AP1G1: variants seen among roughly 807,000 people sequenced by gnomAD.
AP1G1 encodes the protein adaptor related protein complex 1 subunit gamma 1.
AP1G1 carries 7 observed loss-of-function variants against 108.3 expected under a neutral mutation model. That is an observed-to-expected ratio of 0.06 (90% CI 0.04 to 0.12). The LOEUF is 0.12. Ranked by LOEUF, AP1G1 falls within the 10% of genes least tolerant of loss-of-function variation. The pLI is 1.00. For missense variants in AP1G1, 756 were observed against 1,010.7 expected (o/e 0.75, Z 3.42); for synonymous variants, 379 against 353.5 (o/e 1.07, Z -0.81).
chr16:71,751,987 A>G (rs536940395), intron 13 of AP1G1, among the ~76,000 whole-genome samples: 4 of 152,312 alleles, frequency 2.6e-5, no homozygotes, highest in African/African-American at 9.6e-5. Context: ...ACACATATAA[A>G]AATACTCAAC....
At chr16:71,735,218 A>G (rs1471785081) in intron 21 of AP1G1, among the ~76,000 whole-genome samples, 4 of 152,228 alleles carry the variant, frequency 2.6e-5, no homozygotes, top group Non-Finnish European at 5.9e-5. Context: ...AAGCCTGCAT[A>G]ATCTATAATG....
chr16:71,784,589 C>T (rs1007016240), intron 2 of AP1G1, among the ~76,000 whole-genome samples: 3 of 152,084 alleles, frequency 2.0e-5, no homozygotes, highest in Admixed American at 6.6e-5. Context: ...GACAGAGTCT[C>T]GCTTTGTCGC....
chr16:71,806,433 G>A (rs1207893695), intron 1 of AP1G1, among the ~76,000 whole-genome samples: 3 of 152,116 alleles, frequency 2.0e-5, no homozygotes, highest in South Asian at 2.1e-4. Context: ...TGGTAGAGAC[G>A]GAGTCTCATT....
intron 12 of AP1G1, among the ~76,000 whole-genome samples, chr16:71,754,284 G>T (rs2030658866): frequency 7.2e-6 from 1 of 139,202 alleles, no homozygotes; most frequent in South Asian, 2.3e-4. Flanking sequence ...GAAGATGGAA[G>T]GAAAGAAGGA....
At chr16:71,777,735 CTTCT>C in intron 2 of AP1G1, 1 of 446,706 alleles carries the variant, frequency 2.2e-6, no homozygotes. Context: ...TCCTCCACCA[CTTCT>C]TTCTTTCGCT....
At chr16:71,794,335 C>T (rs1297316168) in intron 1 of AP1G1, among the ~76,000 whole-genome samples, 1 of 152,108 alleles carries the variant, frequency 6.6e-6, no homozygotes, top group Non-Finnish European at 1.5e-5. Flanking sequence ...ATTTTATATT[C>T]ATTATGGCTT....
At chr16:71,799,786 C>A (rs1248821570) in intron 1 of AP1G1, among the ~76,000 whole-genome samples, 3 of 151,906 alleles carry the variant, frequency 2.0e-5, no homozygotes, top group African/African-American at 7.3e-5. Flanking sequence ...GCAGTCCCAG[C>A]TACTCGGGAG....
chr16:71,745,666 C>T (rs778342185), intron 17 of AP1G1, 52 bp from the exon 18 acceptor site: 2 of 1,499,264 alleles, frequency 1.3e-6, no homozygotes, highest in East Asian at 2.3e-5. Context: ...AGATTCCCTA[C>T]CCAAAATAAT....
intron 2 of AP1G1, among the ~76,000 whole-genome samples, chr16:71,788,256 C>T (rs1207386008): frequency 6.6e-6 from 1 of 152,158 alleles, no homozygotes; most frequent in Non-Finnish European, 1.5e-5. Context: ...TTCAGTTGGG[C>T]AGTCTGTTCC....
At chr16:71,738,176 G>A (rs769879725) in intron 21 of AP1G1, among the ~76,000 whole-genome samples, 2 of 151,672 alleles carry the variant, frequency 1.3e-5, no homozygotes, top group African/African-American at 4.8e-5. Flanking sequence ...TCAGCCTCCC[G>A]AGTAACTGGG....
chr16:71,748,206 TA>T, intron 16 of AP1G1, 44 bp downstream of exon 16: 1 of 1,577,380 alleles, frequency 6.3e-7, no homozygotes, highest in Non-Finnish European at 8.5e-7. Context: ...TTTTGTTTTT[TA>T]ATTACAAAAC....
intron 2 of AP1G1, among the ~76,000 whole-genome samples, chr16:71,778,053 T>C (rs1277196936): frequency 6.6e-6 from 1 of 152,116 alleles, no homozygotes; most frequent in African/African-American, 2.4e-5. Context: ...TACCTAAAAT[T>C]TGCTCTCTTC....
chr16:71,807,684 G>T (rs748803809), intron 1 of AP1G1: 53 of 624,964 alleles, frequency 8.5e-5, no homozygotes, highest in Non-Finnish European at 1.2e-4. Context: ...TTTAGAATCA[G>T]TCAGCAAAGA....
chr16:71,755,815 T>C, intron 12 of AP1G1: 1 of 526,180 alleles, frequency 1.9e-6, no homozygotes, highest in Non-Finnish European at 3.3e-6. Flanking sequence ...CCAACAAATT[T>C]TTGTATTTTT....
At chr16:71,742,034 A>G (rs962267610) in intron 19 of AP1G1, among the ~76,000 whole-genome samples, 5 of 152,220 alleles carry the variant, frequency 3.3e-5, no homozygotes, top group African/African-American at 9.6e-5. Flanking sequence ...ATAAATTAAG[A>G]AATCTAGAAT....
chr16:71,783,267 A>C (rs11866795), intron 2 of AP1G1, among the ~76,000 whole-genome samples: 70,852 of 151,798 alleles, frequency 0.47, 17,088 homozygotes, highest in Middle Eastern at 0.63. Flanking sequence ...AGGATATCAA[A>C]GGAAAAAAAA....
intron 18 of AP1G1, 43 bp from the exon 19 acceptor site, chr16:71,745,313 G>T (rs2030115809): frequency 3.7e-6 from 6 of 1,611,668 alleles, no homozygotes; most frequent in African/African-American, 1.3e-5. Context: ...TATTTGATTT[G>T]TCTAGTATAC....
intron 4 of AP1G1, among the ~76,000 whole-genome samples, chr16:71,771,617 T>A (rs1333130565): frequency 1.3e-5 from 2 of 152,224 alleles, no homozygotes; most frequent in African/African-American, 4.8e-5. Flanking sequence ...AGTTCACCTC[T>A]CCCTTTGTTC....
chr16:71,764,170 A>T (rs929694374), intron 9 of AP1G1, among the ~76,000 whole-genome samples, 180 bp downstream of exon 9: 3 of 152,300 alleles, frequency 2.0e-5, no homozygotes, highest in Admixed American at 1.3e-4. Context: ...ATTATAATCA[A>T]TGTTAAGCCT....
Sources: allele counts gnomAD v4.1 joint callset (sites outside exome capture counted in the v4.1 genomes callset), GRCh38; gene constraint gnomAD v4.1.1; transcripts MANE v1.5; gene names NCBI Gene and HGNC (gene_info 2026-07-23, HGNC 2026-07-21).